Variants in ABHD12 observed in about 807,000 individuals in gnomAD.
ABHD12 encodes the protein lysophosphatidylserine lipase ABHD12.
ABHD12 carries 43 observed loss-of-function variants against 58.3 expected under a neutral mutation model. The ratio of observed to expected loss-of-function variants is 0.74; its 90% CI spans 0.58 to 0.95. ABHD12 has a LOEUF of 0.95. ABHD12 is among the 40% of genes least tolerant of loss of function. ABHD12 has a pLI of 0.00. For synonymous variants in ABHD12, 219 were observed against 211.2 expected (o/e 1.04, Z -0.32); for missense variants, 539 against 537.2 (o/e 1.00, Z -0.03).
In ABHD12 at chr20:25,390,616, G is replaced by A; in HGVS notation, c.88C>T (p.Leu30=). Residue 30 remains leucine, a synonymous_variant, in exon 1 of 13, where the codon CTG becomes TTG. Transcript: ENST00000339157. ...SSSSGSAAAA[L]DADCRLKQNL... is the part of the protein sequence containing the mutation. ...TGCTTCAGGCGGCAGTCGGCGTCCAGCGCCGCGGCGGCCGAGCCGGAGGAG... is the reference window on the plus strand; with the variant it reads ...TGCTTCAGGCGGCAGTCGGCGTCCAACGCCGCGGCGGCCGAGCCGGAGGAG... 1 of 1,462,542 alleles carries A rather than the reference G, an allele frequency of 6.8e-7. No homozygotes were observed. Among genetic ancestry groups the A allele is most frequent in the Non-Finnish European group, 9.0e-7 (1 of 1,112,842 alleles). The allele number at this position is 1,462,542 out of a possible 1,614,324, so 90.6% of individuals were successfully genotyped here. A position where few individuals can be genotyped will look rare whatever the true frequency, so the allele number is the denominator to read the frequency against.
At chr20:25,351,345 G>C (rs1418286525) in intron 1 of ABHD12, among the ~76,000 whole-genome samples, 1 of 152,186 alleles carries the variant, frequency 6.6e-6, no homozygotes, top group Non-Finnish European at 1.5e-5. Context: ...ACTGTCCCAT[G>C]ATTAGTGCAA....
chr20:25,368,950 CTCTT>C (rs982239781), intron 1 of ABHD12, among the ~76,000 whole-genome samples: 3 of 152,070 alleles, frequency 2.0e-5, no homozygotes, highest in Non-Finnish European at 4.4e-5. Flanking sequence ...TATTTAGACC[CTCTT>C]TCTATCAAAA....
intron 1 of ABHD12, among the ~76,000 whole-genome samples, chr20:25,348,534 T>C (rs923328400): frequency 2.0e-5 from 3 of 150,960 alleles, no homozygotes; most frequent in Non-Finnish European, 4.4e-5. Context: ...GATGGGAGGA[T>C]TACTTGAGCC....
At chr20:25,295,583 GCCT>G, downstream of ABHD12, 1 of 1,611,702 alleles carries the variant, frequency 6.2e-7, no homozygotes, top group Non-Finnish European at 8.5e-7. Flanking sequence ...CCCTGGCCCA[GCCT>G]CCTTTCTCCC....
chr20:25,376,688 T>C (rs1384870678), intron 1 of ABHD12, among the ~76,000 whole-genome samples: 1 of 152,248 alleles, frequency 6.6e-6, no homozygotes, highest in Non-Finnish European at 1.5e-5. Flanking sequence ...GTTGCCGTGT[T>C]TCTCCTTCAT....
chr20:25,322,381 A>ATATATATATATATTTTTTTTT, intron 3 of ABHD12, among the ~76,000 whole-genome samples: 8 of 59,268 alleles, frequency 1.3e-4, no homozygotes, highest in Non-Finnish European at 1.9e-4. Context: ...ATATATATAT[A>ATATATATATATATTTTTTTTT]TTTTTTTTTT....
At chr20:25,329,213 G>T (rs1249052853) in intron 2 of ABHD12, among the ~76,000 whole-genome samples, 1 of 152,244 alleles carries the variant, frequency 6.6e-6, no homozygotes, top group Non-Finnish European at 1.5e-5. Context: ...CTGGGGTGGG[G>T]ACAGAGTGCT....
intron 12 of ABHD12, 149 bp downstream of exon 12, chr20:25,302,070 T>G (rs755074861): frequency 7.6e-6 from 9 of 1,181,788 alleles, no homozygotes; most frequent in Non-Finnish European, 1.1e-5. Context: ...CAAACCCCTC[T>G]GCCAAGGAAA....
At chr20:25,331,349 G>A (rs1351826696) in intron 2 of ABHD12, among the ~76,000 whole-genome samples, 13 of 152,264 alleles carry the variant, frequency 8.5e-5, no homozygotes, top group East Asian at 5.8e-4. Context: ...TGAAAGTGAC[G>A]GGGAGAATGG....
At chr20:25,321,180 A>G (rs2089059322) in intron 3 of ABHD12, among the ~76,000 whole-genome samples, 1 of 152,236 alleles carries the variant, frequency 6.6e-6, no homozygotes. Flanking sequence ...CATCACTCCC[A>G]TACAGTTATA....
At chr20:25,361,021 C>T (rs989365331) in intron 1 of ABHD12, among the ~76,000 whole-genome samples, 5 of 152,206 alleles carry the variant, frequency 3.3e-5, no homozygotes, top group African/African-American at 9.6e-5. Flanking sequence ...AGCCATCTTC[C>T]GCAGCTCTCA....
At chr20:25,380,418 A>C (rs1164653695) in intron 1 of ABHD12, among the ~76,000 whole-genome samples, 3 of 152,042 alleles carry the variant, frequency 2.0e-5, no homozygotes, top group Non-Finnish European at 4.4e-5. Context: ...TGATGCTTTT[A>C]TTATTTATTT....
chr20:25,330,727 A>C (rs899360622), intron 2 of ABHD12, among the ~76,000 whole-genome samples: 2 of 152,174 alleles, frequency 1.3e-5, no homozygotes, highest in African/African-American at 4.8e-5. Context: ...ACGGCTGGGT[A>C]CTCCAACAGA....
chr20:25,295,472 G>C (rs2424705), downstream of ABHD12: 1 of 1,005,106 alleles, frequency 9.9e-7, no homozygotes, highest in South Asian at 1.4e-5. Context: ...GACCAGCTGC[G>C]TGGGTGGGCC....
intron 2 of ABHD12, among the ~76,000 whole-genome samples, chr20:25,335,252 A>G (rs1385398199): frequency 2.6e-5 from 4 of 152,324 alleles, no homozygotes; most frequent in South Asian, 4.1e-4. Context: ...CAAAACCACA[A>G]TGAGATACCA....
chr20:25,299,378 C>CTG (rs1268352707), downstream of ABHD12, among the ~76,000 whole-genome samples: 1 of 151,732 alleles, frequency 6.6e-6, no homozygotes, highest in Non-Finnish European at 1.5e-5. Flanking sequence ...CCAGCCTGGG[C>CTG]AACAGAGTGA....
chr20:25,385,774 A>T (rs1050302438), intron 1 of ABHD12, among the ~76,000 whole-genome samples: 1 of 152,144 alleles, frequency 6.6e-6, no homozygotes, highest in African/African-American at 2.4e-5. Context: ...TTAAACAAAT[A>T]ATTTAAAAAA....
At chr20:25,390,475 C>CGCGGGGGGG in intron 1 of ABHD12, 38 bp downstream of exon 1, 2 of 1,089,480 alleles carry the variant, frequency 1.8e-6, no homozygotes, top group South Asian at 1.9e-5. Context: ...AGTGAGGGAC[C>CGCGGGGGGG]GGCCCCCCCC....
At chr20:25,321,938 T>C (rs767131275) in intron 3 of ABHD12, among the ~76,000 whole-genome samples, 22 of 152,234 alleles carry the variant, frequency 1.4e-4, no homozygotes, top group Non-Finnish European at 1.6e-4. Context: ...CTGTTAGAAA[T>C]GTCTGAATGT....
Sources: gnomAD v4.1 joint callset for allele counts (sites outside exome capture counted in the v4.1 genomes callset) on GRCh38, gnomAD v4.1.1 for gene constraint, MANE v1.5 for transcripts, NCBI Gene and HGNC (gene_info 2026-07-23, HGNC 2026-07-21) for gene names.